FHIT: variants seen among roughly 807,000 people sequenced by gnomAD.
The protein encoded by FHIT is fragile histidine triad diadenosine triphosphatase, also known as bis(5'-adenosyl)-triphosphatase.
A neutral mutation model predicts 17.9 loss-of-function variants in FHIT; 19 were observed. The ratio of observed to expected loss-of-function variants is 1.06; its 90% CI spans 0.74 to 1.56. The LOEUF (loss-of-function observed/expected upper bound fraction) is 1.56. FHIT is among the 40% of genes most tolerant of loss of function. FHIT has a pLI of 0.00. For missense variants in FHIT, 248 were observed against 189.2 expected (o/e 1.31, Z -1.82); for synonymous variants, 81 against 69.7 (o/e 1.16, Z -0.81).
chr3:60,670,355 T>G (rs997953880), intron 4 of FHIT, among the ~76,000 whole-genome samples: 7 of 152,220 alleles, frequency 4.6e-5, no homozygotes, highest in African/African-American at 1.4e-4. Flanking sequence ...TGAGGCACTT[T>G]CCTCAAACCT....
intron 4 of FHIT, among the ~76,000 whole-genome samples, chr3:60,633,879 A>G (rs1400885283): frequency 1.3e-5 from 2 of 152,234 alleles, no homozygotes; most frequent in Non-Finnish European, 1.5e-5. Context: ...GAAAGGTTTC[A>G]GACCCACGGT....
chr3:60,150,127 G>C (rs1451698214), intron 5 of FHIT, among the ~76,000 whole-genome samples: 1 of 149,724 alleles, frequency 6.7e-6, no homozygotes, highest in Non-Finnish European at 1.5e-5. Context: ...TTCCTGAGTA[G>C]CTAGGATTAC....
chr3:60,350,309 A>T (rs1303792469), intron 5 of FHIT, among the ~76,000 whole-genome samples: 1 of 152,150 alleles, frequency 6.6e-6, no homozygotes, highest in African/African-American at 2.4e-5. Flanking sequence ...TGGAGATGGC[A>T]CTGAACTGGC....
chr3:60,153,126 G>A (rs1256371320), intron 5 of FHIT, among the ~76,000 whole-genome samples: 2 of 152,102 alleles, frequency 1.3e-5, no homozygotes, highest in African/African-American at 4.8e-5. Context: ...AATTTACCAA[G>A]CACCTTTATT....
At chr3:60,049,697 G>C (rs1362110299) in intron 5 of FHIT, among the ~76,000 whole-genome samples, 6 of 151,990 alleles carry the variant, frequency 3.9e-5, no homozygotes, top group Admixed American at 3.3e-4. Flanking sequence ...ATTTAAAAAA[G>C]TAAAAATAAA....
At chr3:60,376,560 G>A (rs1051838321) in intron 5 of FHIT, among the ~76,000 whole-genome samples, 2 of 152,078 alleles carry the variant, frequency 1.3e-5, no homozygotes, top group Non-Finnish European at 1.5e-5. Flanking sequence ...AATCTGTTGT[G>A]GTTGTGAAAA....
intron 1 of FHIT, among the ~76,000 whole-genome samples, chr3:61,243,080 A>G (rs1223913857): frequency 6.6e-6 from 1 of 152,192 alleles, no homozygotes; most frequent in Admixed American, 6.5e-5. Context: ...AGATCCTCCC[A>G]AAGTTAGTCT....
intron 5 of FHIT, among the ~76,000 whole-genome samples, chr3:60,131,069 A>ATACATATG (rs1559661647): frequency 8.2e-5 from 4 of 48,486 alleles, no homozygotes; most frequent in South Asian, 1.8e-3. Flanking sequence ...ATACACATGT[A>ATACATATG]TGTATGTATA....
At chr3:60,495,625 T>C (rs2034270543) in intron 5 of FHIT, among the ~76,000 whole-genome samples, 1 of 152,052 alleles carries the variant, frequency 6.6e-6, no homozygotes. Context: ...ACTGGGGATA[T>C]CCAACAGCAT....
chr3:60,158,757 G>C (rs1024498846), intron 5 of FHIT, among the ~76,000 whole-genome samples: 3 of 152,090 alleles, frequency 2.0e-5, no homozygotes, highest in African/African-American at 7.2e-5. Flanking sequence ...CTTCCCTTTA[G>C]AGATGTGAGA....
intron 1 of FHIT, among the ~76,000 whole-genome samples, chr3:61,214,600 C>T (rs1334599902): frequency 2.6e-5 from 4 of 152,116 alleles, no homozygotes; most frequent in South Asian, 4.2e-4. Flanking sequence ...TGGTACCATT[C>T]CTTCTGAAAC....
chr3:60,187,448 C>T (rs1175529704), intron 5 of FHIT, among the ~76,000 whole-genome samples: 1 of 152,124 alleles, frequency 6.6e-6, no homozygotes, highest in Non-Finnish European at 1.5e-5. Flanking sequence ...ATTGCTGGTG[C>T]CCTCGGAAGC....
chr3:60,113,975 C>G (rs1213798727), intron 5 of FHIT, among the ~76,000 whole-genome samples: 1 of 109,168 alleles, frequency 9.2e-6, no homozygotes, highest in African/African-American at 3.8e-5. Context: ...GCACTCCAGC[C>G]TGGGCAATAG....
intron 3 of FHIT, among the ~76,000 whole-genome samples, chr3:61,036,474 C>T (rs529537527): frequency 2.0e-5 from 3 of 152,276 alleles, no homozygotes; most frequent in African/African-American, 7.2e-5. Context: ...AAATGTTCCT[C>T]TTATCATTGA....
chr3:60,509,028 T>G (rs1227600527), intron 5 of FHIT, among the ~76,000 whole-genome samples: 5 of 152,164 alleles, frequency 3.3e-5, no homozygotes, highest in Non-Finnish European at 1.5e-5. Context: ...GCTAAGCTTC[T>G]CTTCCTATAT....
At chr3:60,569,498 A>G (rs942503301) in intron 4 of FHIT, among the ~76,000 whole-genome samples, 2 of 151,900 alleles carry the variant, frequency 1.3e-5, no homozygotes, top group African/African-American at 4.8e-5. Flanking sequence ...GCATATGCCT[A>G]CTGAGTAATG....
chr3:60,985,705 G>T (rs930263941), intron 3 of FHIT, among the ~76,000 whole-genome samples: 4 of 152,194 alleles, frequency 2.6e-5, no homozygotes, highest in African/African-American at 9.6e-5. Flanking sequence ...GTAAATTATG[G>T]CCTGAGATTT....
intron 5 of FHIT, among the ~76,000 whole-genome samples, chr3:60,470,705 C>T (rs912241392): frequency 2.6e-5 from 4 of 152,090 alleles, no homozygotes; most frequent in African/African-American, 9.7e-5. Flanking sequence ...CTCTGCCATA[C>T]TGTGGCCAAA....
rs189572553 is a variant in FHIT at position 61,159,089 on chromosome 3, C to G, written c.-164+41528G>C. ...TTATTCTAACAAATACTTAATTTCT[C>G]TCTAGCTTTGGTGCAGTCCTGACTT... On this transcript the variant is annotated intron_variant, in intron 2 of 9. Transcript: ENST00000492590. 2.6e-5 allele frequency among the ~76,000 whole-genome samples: 4 copies of G among 152,312 alleles called. No homozygotes were observed. The East Asian group carries it at 7.7e-4, about 29-fold the overall frequency.
Sources: allele counts gnomAD v4.1 joint callset (sites outside exome capture counted in the v4.1 genomes callset), GRCh38; gene constraint gnomAD v4.1.1; transcripts MANE v1.5; gene names NCBI Gene and HGNC (gene_info 2026-07-23, HGNC 2026-07-21).